The following DOCK8 variants were observed in gnomAD, a reference collection of about 807,000 sequenced individuals.
The protein encoded by DOCK8 is dedicator of cytokinesis protein 8.
Under a neutral mutation model 245.6 loss-of-function variants are expected in DOCK8, and 141 were observed. The ratio of observed to expected loss-of-function variants is 0.57; its 90% CI spans 0.50 to 0.66. DOCK8 has a LOEUF of 0.66. Ranked by LOEUF, DOCK8 falls within the 30% of genes least tolerant of loss-of-function variation. The probability of loss-of-function intolerance (pLI) is 0.00; values close to 1 mark genes in which losing one functional copy is unlikely to be tolerated. For synonymous variants in DOCK8, 1,168 were observed against 970.2 expected, an observed-to-expected ratio of 1.20 and a Z score of -3.79; for missense variants, 2,965 against 2,603.4, an observed-to-expected ratio of 1.14 and a Z score of -3.02.
chr9:426,807 C>G lies in DOCK8; in HGVS notation c.4242-78C>G, dbSNP rs2056519378. ...GACTATTTTGGAGATTTCTTTACAC[C>G]TTGGTGTATAGATTGCCATCATGGG... On this transcript the variant is annotated intron_variant, in intron 33 of 47. Transcript: ENST00000432829. The G allele has an allele frequency of 7.9e-6, 9 of 1,134,088 alleles. No homozygotes were observed. The South Asian group carries it at 1.1e-4, about 14-fold the overall frequency. 70.3% of individuals were successfully genotyped at this position (1,134,088 alleles called of 1,614,324 possible).
chr9:431,320 TATAAAG>T (rs1402582209), intron 36 of DOCK8, among the ~76,000 whole-genome samples: 3 of 152,190 alleles, frequency 2.0e-5, no homozygotes, highest in African/African-American at 4.8e-5. Context: ...TCAAGTGATA[TATAAAG>T]ATAAATTGGC....
intron 14 of DOCK8, among the ~76,000 whole-genome samples, chr9:350,040 T>C (rs1268551887): frequency 6.6e-6 from 1 of 152,210 alleles, no homozygotes; most frequent in African/African-American, 2.4e-5. Context: ...ATTCTCACCT[T>C]TCCAGGAATC....
intron 5 of DOCK8, among the ~76,000 whole-genome samples, chr9:307,329 G>GTTTTT (rs1210792510): frequency 6.7e-5 from 5 of 75,140 alleles, no homozygotes; most frequent in African/African-American, 1.5e-4. Context: ...GTTGTGTGTG[G>GTTTTT]TTTTTTTTGT....
chr9:381,906 G>A (rs1325950350), intron 21 of DOCK8, among the ~76,000 whole-genome samples: 1 of 151,842 alleles, frequency 6.6e-6, no homozygotes, highest in Non-Finnish European at 1.5e-5. Flanking sequence ...GTTGCAGTGA[G>A]CTGAGATCAT....
intron 24 of DOCK8, among the ~76,000 whole-genome samples, chr9:396,286 C>T (rs1459662110): frequency 6.6e-6 from 1 of 152,194 alleles, no homozygotes. Context: ...AAAAACTGTG[C>T]TCCCTCGAGA....
chr9:458,138 T>C (rs2057698773), intron 46 of DOCK8: 1 of 152,216 alleles, frequency 6.6e-6, no homozygotes, highest in Non-Finnish European at 1.5e-5. Flanking sequence ...TTGGAGGTAG[T>C]CGATGTAGAG....
chr9:251,389 C>T (rs2047641806), intron 1 of DOCK8, among the ~76,000 whole-genome samples: 1 of 152,142 alleles, frequency 6.6e-6, no homozygotes, highest in South Asian at 2.1e-4. Flanking sequence ...ACTACTTATC[C>T]ATGAAAGGAT....
At chr9:333,947 G>C (rs191831958) in intron 10 of DOCK8, among the ~76,000 whole-genome samples, 271 of 152,246 alleles carry the variant, frequency 1.8e-3, no homozygotes, top group Admixed American at 3.5e-3. Flanking sequence ...GATGTAATGA[G>C]TCTCTTTTTG....
chr9:436,062 A>G (rs1385180031), intron 39 of DOCK8, among the ~76,000 whole-genome samples: 2 of 152,262 alleles, frequency 1.3e-5, no homozygotes, highest in East Asian at 3.8e-4. Context: ...AAGAAAGAAC[A>G]ATTCAAAGTA....
At chr9:268,322 A>G (rs1162240446) in intron 1 of DOCK8, 1 of 152,252 alleles carries the variant, frequency 6.6e-6, no homozygotes, top group Non-Finnish European at 1.5e-5. Flanking sequence ...GTTAGGCTCA[A>G]AGAGTCAAGA....
intron 1 of DOCK8, among the ~76,000 whole-genome samples, chr9:238,722 A>T (rs939134461): frequency 3.9e-5 from 6 of 152,234 alleles, no homozygotes; most frequent in Non-Finnish European, 5.9e-5. Flanking sequence ...GTTACAAAAT[A>T]TCACCAAACT....
intron 1 of DOCK8, among the ~76,000 whole-genome samples, chr9:249,442 T>G (rs1472631282): frequency 6.6e-6 from 1 of 152,152 alleles, no homozygotes; most frequent in Non-Finnish European, 1.5e-5. Context: ...TTTCAAAAGT[T>G]TAATATGTAA....
chr9:224,832 C>G (rs2131350573), intron 1 of DOCK8, among the ~76,000 whole-genome samples: 1 of 152,310 alleles, frequency 6.6e-6, no homozygotes, highest in Non-Finnish European at 1.5e-5. Context: ...TAGAAAAACT[C>G]AGGCTCAAAG....
intron 8 of DOCK8, among the ~76,000 whole-genome samples, chr9:327,552 C>T (rs972374492): frequency 7.2e-5 from 11 of 152,098 alleles, no homozygotes; most frequent in African/African-American, 2.7e-4. Context: ...CACATGCCAC[C>T]ATGCTGGCTA....
In DOCK8 at chr9:317,028, T is replaced by G. The variant is rs111627162; in HGVS notation, c.742-15T>G. 1.0e-5 allele frequency: 16 copies of G among 1,599,100 alleles called. No individual in the cohort carries two copies. Among genetic ancestry groups the G allele is most frequent in the Non-Finnish European group, 1.4e-5 (16 of 1,166,356 alleles). On this transcript the variant is annotated splice_polypyrimidine_tract_variant and intron_variant, in intron 6 of 47. Coordinates refer to ENST00000432829, the MANE Select transcript of DOCK8 (RefSeq NM_203447.4). ...GAATTCACTAATGATTTCCTTACGA[T>G]GTGATTAAAAATAGGAGGATGCTGT...
At chr9:263,640 C>T (rs1285272651) in intron 1 of DOCK8, among the ~76,000 whole-genome samples, 1 of 152,104 alleles carries the variant, frequency 6.6e-6, no homozygotes, top group Non-Finnish European at 1.5e-5. Context: ...TATGGCTCTG[C>T]TGGTGATAAA....
At chr9:289,728 A>G (rs1224234956) in intron 4 of DOCK8, 147 bp downstream of exon 4, 17 of 638,246 alleles carry the variant, frequency 2.7e-5, no homozygotes, top group Non-Finnish European at 3.8e-5. Flanking sequence ...CCTTATCCCC[A>G]CTCCATATCA....
At chr9:345,813 C>G (rs1294622227) in intron 14 of DOCK8, among the ~76,000 whole-genome samples, 1 of 152,080 alleles carries the variant, frequency 6.6e-6, no homozygotes, top group Non-Finnish European at 1.5e-5. Context: ...TGTGTGCTGC[C>G]CCGTGTCTCT....
At chr9:311,027 T>C (rs541807826) in intron 5 of DOCK8, among the ~76,000 whole-genome samples, 2 of 152,256 alleles carry the variant, frequency 1.3e-5, no homozygotes, top group East Asian at 3.9e-4. Flanking sequence ...GGCTCACCCC[T>C]GTAATCCTAG....
Sources: gnomAD v4.1 joint callset for allele counts (sites outside exome capture counted in the v4.1 genomes callset) on GRCh38, gnomAD v4.1.1 for gene constraint, MANE v1.5 for transcripts, NCBI Gene and HGNC (gene_info 2026-07-23, HGNC 2026-07-21) for gene names.